Variants in UBR1 observed in about 807,000 individuals in gnomAD.
UBR1 encodes the protein ubiquitin protein ligase E3 component n-recognin 1, also known as E3 ubiquitin-protein ligase UBR1.
UBR1 carries 102 observed loss-of-function variants against 242.1 expected under a neutral mutation model. The observed-to-expected ratio is 0.42, with a 90% CI of 0.36 to 0.50. UBR1 has a LOEUF of 0.50. Among genes scored for constraint, UBR1 ranks in the 20% least tolerant of loss-of-function variants. UBR1 has a pLI of 0.01. For synonymous variants in UBR1, 675 were observed against 684.8 expected (o/e 0.99, Z 0.22); for missense variants, 1,772 against 2,101.8 (o/e 0.84, Z 3.07).
intron 46 of UBR1, 139 bp downstream of exon 46, chr15:42,950,123 G>T: frequency 1.2e-6 from 1 of 816,194 alleles, no homozygotes; most frequent in Non-Finnish European, 2.1e-6. Flanking sequence ...ACAGGTATAA[G>T]CCACGGTGTC....
At chr15:43,058,461 G>A (rs895528171) in intron 9 of UBR1, 32 bp from the exon 10 acceptor site, 2 of 1,545,860 alleles carry the variant, frequency 1.3e-6, no homozygotes, top group Non-Finnish European at 1.8e-6. Context: ...GTGGGGGAAT[G>A]AGGAGAATCA....
chr15:43,100,120 C>A (rs1201493526), intron 1 of UBR1, among the ~76,000 whole-genome samples: 1 of 152,082 alleles, frequency 6.6e-6, no homozygotes, highest in Non-Finnish European at 1.5e-5. Flanking sequence ...CATAATAAAC[C>A]CACCTCGGCC....
At chr15:43,058,109 C>T (rs1003942698) in intron 10 of UBR1, among the ~76,000 whole-genome samples, 18 of 152,016 alleles carry the variant, frequency 1.2e-4, no homozygotes, top group African/African-American at 4.1e-4. Flanking sequence ...GGGGTTTCAC[C>T]GTGTTGGCCA....
intron 27 of UBR1, among the ~76,000 whole-genome samples, chr15:43,020,763 C>G (rs1452062466): frequency 6.6e-6 from 1 of 152,174 alleles, no homozygotes; most frequent in African/African-American, 2.4e-5. Flanking sequence ...TTCTGGCCAC[C>G]ACAGAGCTTT....
At position 43,105,993 on chromosome 15, in the gene UBR1, C is replaced by T; in HGVS notation, c.30G>A (p.Glu10=). The change falls in exon 1 of 47, where the codon GAG becomes GAA. Residue 10 remains glutamate, a synonymous_variant. Transcript: ENST00000290650. ...GTAACTCCGCGCTGATTTCCATCCT[C>T]TCAGTACCTCCAGCCTCCTCGTCCG... MADEEAGGT[E]RMEISAELPQ... is the part of the protein sequence containing the mutation. 1.2e-6 allele frequency: 2 copies of T among 1,614,008 alleles called. No homozygotes were observed. The highest frequency in any genetic ancestry group is 1.1e-5 in the South Asian group (1 of 91,068).
At chr15:43,082,557 A>C in intron 3 of UBR1, 81 bp downstream of exon 3, 2 of 1,049,832 alleles carry the variant, frequency 1.9e-6, no homozygotes, top group South Asian at 2.6e-5. Flanking sequence ...TTATAGCAGG[A>C]ATGTGAATAC....
rs79304860 is a variant in UBR1 at position 43,086,079 on chromosome 15, T to C, written c.243A>G (p.Glu81=). 5.7e-4 allele frequency: 925 copies of C among 1,614,126 alleles called. 1 individual carries two copies. The African/African-American group carries it at 0.011, about 19-fold the overall frequency. Residue 81 remains glutamate (E), a synonymous_variant, in exon 2 of 47, where the codon GAA becomes GAG. Coordinates refer to ENST00000290650, the MANE Select transcript of UBR1 (RefSeq NM_174916.3). The stretch of plus-strand genomic sequence containing the variant: ...ATTTCTCTAAGCAAATATCTGGATC[T>C]TCTCCAAATAAGTACCATTCCAGTG... The part of the protein sequence containing the change: ...FTPLEWYLFG[E]DPDICLEKLK...
At position 42,998,065 on chromosome 15, in the gene UBR1, A is replaced by C. The variant is rs547992626; in HGVS notation, c.3757+103T>G. 11 of 1,029,244 alleles carry C rather than the reference A, an allele frequency of 1.1e-5. No individual in the cohort carries two copies. The South Asian group carries it at 1.5e-4, about 14-fold the overall frequency. 63.8% of individuals were successfully genotyped at this position (1,029,244 alleles called of 1,614,324 possible). On this transcript the variant is annotated intron_variant, in intron 33 of 46. Transcript: ENST00000290650. ...AAACTTCTATTTCCTGATATTCAAG[A>C]AATCTGTACTTGCAAACCATATTTT...
At chr15:43,040,367 T>C (rs1356560964) in intron 15 of UBR1, among the ~76,000 whole-genome samples, 2 of 152,192 alleles carry the variant, frequency 1.3e-5, no homozygotes, top group African/African-American at 2.4e-5. Flanking sequence ...CCCTATTTAG[T>C]AAATGGTGCT....
At chr15:43,102,300 T>C (rs2034247385) in intron 1 of UBR1, among the ~76,000 whole-genome samples, 1 of 152,198 alleles carries the variant, frequency 6.6e-6, no homozygotes, top group South Asian at 2.1e-4. Flanking sequence ...TACCATCAAC[T>C]ATGGCTTGGG....
At chr15:42,956,291 T>G (rs886693865) in intron 44 of UBR1, among the ~76,000 whole-genome samples, 1 of 152,198 alleles carries the variant, frequency 6.6e-6, no homozygotes, top group African/African-American at 2.4e-5. Context: ...GAAACAACTG[T>G]TGAGCCAGCA....
chr15:43,034,800 G>A (rs56788342), intron 19 of UBR1, among the ~76,000 whole-genome samples: 9,890 of 150,918 alleles, frequency 0.066, 497 homozygotes, highest in African/African-American at 0.14. Context: ...CAAGAGAATC[G>A]CTTGAACCCG....
At chr15:43,027,096 T>C (rs2033188441) in intron 22 of UBR1, among the ~76,000 whole-genome samples, 2 of 152,116 alleles carry the variant, frequency 1.3e-5, no homozygotes, top group African/African-American at 4.8e-5. Context: ...GAAAATATAC[T>C]ACTGAATCCT....
intron 44 of UBR1, among the ~76,000 whole-genome samples, chr15:42,956,900 C>T (rs556117247): frequency 2.0e-4 from 31 of 152,272 alleles, no homozygotes; most frequent in African/African-American, 4.8e-4. Flanking sequence ...AGAAAAAAGG[C>T]GCCCTCACAC....
In UBR1 at chr15:43,093,082, T is replaced by C. The variant is rs16957418; in HGVS notation, c.82-6842A>G. Among the ~76,000 whole-genome samples the C allele has an allele frequency of 9.2e-3, 1,404 of 152,322 alleles. 17 individuals are homozygous for C. The highest frequency in any genetic ancestry group is 0.032 in the African/African-American group (1,337 of 41,576). On this transcript the variant is annotated intron_variant, in intron 1 of 46. Transcript: ENST00000290650. ...TGAAATTAAGGGAAAGCTTTCCTAA[T>C]TGACTATTCTGTAAAAAACAAGTTC... is the stretch of plus-strand genomic sequence containing the variant.
chr15:43,049,245 C>T (rs2033522778), intron 12 of UBR1, among the ~76,000 whole-genome samples: 1 of 152,116 alleles, frequency 6.6e-6, no homozygotes, highest in Admixed American at 6.5e-5. Flanking sequence ...ACACAGTAGA[C>T]AGAAATTCAA....
At chr15:43,002,007 T>C (rs2032733159) in intron 32 of UBR1, among the ~76,000 whole-genome samples, 1 of 152,244 alleles carries the variant, frequency 6.6e-6, no homozygotes, top group African/African-American at 2.4e-5. Flanking sequence ...GTCAGAGTTC[T>C]ATTACTTCAA....
chr15:43,082,704 A>C lies in UBR1; in HGVS notation c.351T>G (p.Ile117Met). The C allele has an allele frequency of 6.2e-7, 1 of 1,613,758 alleles. No individual in the cohort carries two copies. The highest frequency in any genetic ancestry group is 8.5e-7 in the Non-Finnish European group (1 of 1,179,790). ...CCATACAGAGTACACATGTTGGATC[A>C]ATTGCACAATCCCTGAAAAAGATCA... ...ETTYSCRDCA[I>M]DPTCVLCMDC... is the part of the protein sequence containing the mutation. Residue 117 changes from isoleucine (I) to methionine (M), a missense_variant, in exon 3 of 47, where the codon ATT becomes ATG. Physicochemically the swap from Ile to Met is conservative, Grantham distance 10. Transcript: ENST00000290650.
chr15:43,045,851 G>A (rs988262866), intron 14 of UBR1, among the ~76,000 whole-genome samples: 1 of 152,160 alleles, frequency 6.6e-6, no homozygotes, highest in African/African-American at 2.4e-5. Context: ...ATAGGTAATC[G>A]ATAATAAATG....
Sources: gnomAD v4.1 joint callset for allele counts (sites outside exome capture counted in the v4.1 genomes callset) on GRCh38, gnomAD v4.1.1 for gene constraint, MANE v1.5 for transcripts, NCBI Gene and HGNC (gene_info 2026-07-23, HGNC 2026-07-21) for gene names.